Variants in SLC4A1AP observed in about 807,000 individuals in gnomAD.
The protein encoded by SLC4A1AP is kanadaptin.
Under a neutral mutation model 89.7 loss-of-function variants are expected in SLC4A1AP, and 64 were observed. That is an observed-to-expected ratio of 0.71 (90% CI 0.58 to 0.88). SLC4A1AP has a LOEUF of 0.88. Among genes scored for constraint, SLC4A1AP ranks in the 40% least tolerant of loss-of-function variants. The probability of loss-of-function intolerance (pLI) is 0.00; values close to 1 mark genes in which losing one functional copy is unlikely to be tolerated. For synonymous variants in SLC4A1AP, 366 were observed against 353.3 expected, an observed-to-expected ratio of 1.04 and a Z score of -0.40; for missense variants, 931 against 965.0, an observed-to-expected ratio of 0.96 and a Z score of 0.47.
At chr2:27,665,739 A>G (rs770443901) in intron 2 of SLC4A1AP, among the ~76,000 whole-genome samples, 28 of 152,230 alleles carry the variant, frequency 1.8e-4, no homozygotes, top group Non-Finnish European at 3.2e-4. Flanking sequence ...ATCTAATCAG[A>G]TAAAGCTGGT....
chr2:27,668,031 A>T (rs930452103), intron 3 of SLC4A1AP, among the ~76,000 whole-genome samples: 1 of 152,164 alleles, frequency 6.6e-6, no homozygotes, highest in African/African-American at 2.4e-5. Context: ...GGTTACTTTG[A>T]TCTGAGTTTG....
At chr2:27,685,556 C>A (rs918497591) in intron 10 of SLC4A1AP, among the ~76,000 whole-genome samples, 1 of 152,104 alleles carries the variant, frequency 6.6e-6, no homozygotes, top group African/African-American at 2.4e-5. Context: ...TGGAATAATC[C>A]TGAGCTGCTG....
chr2:27,670,698 T>TA (rs1453903402), intron 5 of SLC4A1AP, among the ~76,000 whole-genome samples: 3 of 149,154 alleles, frequency 2.0e-5, no homozygotes, highest in African/African-American at 7.4e-5. Flanking sequence ...CTACCAAAAA[T>TA]ACAAAAAAAA....
intron 8 of SLC4A1AP, 114 bp from the exon 9 acceptor site, chr2:27,682,134 C>G: frequency 1.5e-6 from 1 of 647,308 alleles, no homozygotes; most frequent in Non-Finnish European, 2.7e-6. Flanking sequence ...CTTAGATATT[C>G]ATTTTGTGGT....
chr2:27,693,658 A>G (rs1332621030), intron 12 of SLC4A1AP, 27 bp from the exon 13 acceptor site: 1 of 1,561,312 alleles, frequency 6.4e-7, no homozygotes, highest in African/African-American at 1.4e-5. Context: ...ATTCTTGTGA[A>G]TAAAACAATC....
Position 27,676,843 on chromosome 2 carries a change from A to C in SLC4A1AP, c.1507-452A>C, listed in dbSNP as rs940041883. ...AGACTCCATCTCAAAAAAAAAAAAA[A>C]AAAACTATTAACTCTGGCCAGGTGT... On this transcript the variant is annotated intron_variant, in intron 6 of 13. Transcript: ENST00000613058. Among the ~76,000 whole-genome samples the C allele has an allele frequency of 4.0e-5, 6 of 151,794 alleles. No homozygotes were observed. In the East Asian group the frequency reaches 5.8e-4, roughly 15 times the overall value.
chr2:27,667,296 A>G lies in SLC4A1AP; in HGVS notation c.1050A>G (p.Glu350=), dbSNP rs370464839. 2.7e-5 allele frequency: 43 copies of G among 1,613,680 alleles called. No individual in the cohort carries two copies. In the African/African-American group the frequency reaches 5.2e-4, roughly 20 times the overall value. The change falls in exon 3 of 14, where the codon GAA becomes GAG. Residue 350 remains glutamate (E), a synonymous_variant. Coordinates refer to ENST00000613058, the Ensembl canonical transcript of SLC4A1AP. ...AAGATGCAGTAGAGGATGATGCTGAAGAGAACCCTATTGTCTTAGAGTTTC... is the reference window on the plus strand; with the variant it reads ...AAGATGCAGTAGAGGATGATGCTGAGGAGAACCCTATTGTCTTAGAGTTTC...
chr2:27,688,008 G>T (rs1026369312), exon 11 of SLC4A1AP: 3 of 1,613,558 alleles, frequency 1.9e-6, no homozygotes, highest in Non-Finnish European at 2.5e-6. Flanking sequence ...TTCATTGTGC[G>T]CAGGACCCTC....
At chr2:27,683,049 T>A (rs2148137991) in intron 9 of SLC4A1AP, among the ~76,000 whole-genome samples, 1 of 152,350 alleles carries the variant, frequency 6.6e-6, no homozygotes, top group South Asian at 2.1e-4. Context: ...CACTTGCCTC[T>A]GCCATATGAT....
chr2:27,670,235 T>G (rs1675399968), intron 5 of SLC4A1AP, among the ~76,000 whole-genome samples: 2 of 152,028 alleles, frequency 1.3e-5, no homozygotes. Flanking sequence ...TGACCTCAGG[T>G]GATCCACCCG....
At chr2:27,673,515 G>A (rs1209245794) in intron 5 of SLC4A1AP, among the ~76,000 whole-genome samples, 1 of 147,170 alleles carries the variant, frequency 6.8e-6, no homozygotes, top group Non-Finnish European at 1.5e-5. Flanking sequence ...CCAGATTGGA[G>A]TGCAGTGGTC....
chr2:27,669,171 A>G (rs1187066929), intron 4 of SLC4A1AP, 77 bp from the exon 5 acceptor site: 48 of 1,456,386 alleles, frequency 3.3e-5, no homozygotes, highest in Non-Finnish European at 4.2e-5. Flanking sequence ...AAAAATGACT[A>G]TTATCATAGC....
At position 27,669,402 on chromosome 2, in the gene SLC4A1AP, G is replaced by C. The variant is rs1320374324; in HGVS notation, c.1345+15G>C. On this transcript the variant is annotated intron_variant, in intron 5 of 13. Transcript: ENST00000613058. ...GCAGGAAGCAGGTCAGTATATAGGA[G>C]CCCTTTTTTTCTAGATTTAAAAAAA... The C allele has an allele frequency of 1.4e-6, 2 of 1,467,190 alleles. No homozygotes were observed. The highest frequency in any genetic ancestry group is 1.8e-6 in the Non-Finnish European group (2 of 1,107,020). The allele number at this position is 1,467,190 out of a possible 1,614,324, so 90.9% of individuals were successfully genotyped here. A position where few individuals can be genotyped will look rare whatever the true frequency, so the allele number is the denominator to read the frequency against.
chr2:27,683,785 T>C (rs1675659471), intron 9 of SLC4A1AP, among the ~76,000 whole-genome samples: 1 of 152,156 alleles, frequency 6.6e-6, no homozygotes, highest in African/African-American at 2.4e-5. Flanking sequence ...TCACCCAGGC[T>C]GCAGTGCAGT....
At chr2:27,672,374 T>C (rs1024048195) in intron 5 of SLC4A1AP, among the ~76,000 whole-genome samples, 20 of 152,264 alleles carry the variant, frequency 1.3e-4, no homozygotes, top group African/African-American at 4.8e-4. Context: ...GTCTTCTCTA[T>C]TTTGCCATCA....
chr2:27,664,267 T>C, exon 1 of SLC4A1AP: 2 of 1,614,218 alleles, frequency 1.2e-6, no homozygotes, highest in Non-Finnish European at 1.7e-6. Context: ...TTAGAGACCC[T>C]GAAGGGCGGC....
intron 6 of SLC4A1AP, 124 bp from the exon 7 acceptor site, chr2:27,677,171 G>A (rs1675537431): frequency 2.8e-6 from 2 of 721,564 alleles, no homozygotes; most frequent in African/African-American, 1.8e-5. Context: ...TCCATAAGTA[G>A]CAGTTTAACT....
chr2:27,669,308 G>A (rs1251764442), exon 5 of SLC4A1AP: 4 of 1,613,046 alleles, frequency 2.5e-6, no homozygotes, highest in Middle Eastern at 1.6e-4. Flanking sequence ...ACTCAGGAAA[G>A]AAAAAAGAAG....
exon 14 of SLC4A1AP, chr2:27,694,808 C>T (rs906667680): frequency 1.6e-5 from 11 of 680,116 alleles, no homozygotes; most frequent in Admixed American, 5.2e-5. Context: ...ACTGGCTTTT[C>T]GTTCTGTGTT....
Sources: gnomAD v4.1 joint callset for allele counts (sites outside exome capture counted in the v4.1 genomes callset) on GRCh38, gnomAD v4.1.1 for gene constraint, MANE v1.5 for transcripts, NCBI Gene and HGNC (gene_info 2026-07-23, HGNC 2026-07-21) for gene names.